UNC5D: variants seen among roughly 807,000 people sequenced by gnomAD.
UNC5D encodes the protein netrin receptor UNC5D.
UNC5D carries 39 observed loss-of-function variants against 105.4 expected under a neutral mutation model. The ratio of observed to expected loss-of-function variants is 0.37; its 90% confidence interval spans 0.29 to 0.48. The LOEUF (loss-of-function observed/expected upper bound fraction) is 0.48. Ranked by LOEUF, UNC5D falls within the 20% of genes least tolerant of loss-of-function variation. UNC5D has a pLI of 0.98. For missense variants in UNC5D, 991 were observed against 1,202.4 expected (o/e 0.82, Z 2.60); for synonymous variants, 452 against 450.4 (o/e 1.00, Z -0.04).
intron 1 of UNC5D, among the ~76,000 whole-genome samples, chr8:35,337,095 AGTGGT>A (rs1485918500): frequency 4.6e-5 from 7 of 152,198 alleles, no homozygotes; most frequent in African/African-American, 1.7e-4. Context: ...GAAATCTTGC[AGTGGT>A]TATAAATTCT....
chr8:35,352,489 C>T (rs1163252074), intron 1 of UNC5D, among the ~76,000 whole-genome samples: 1 of 151,988 alleles, frequency 6.6e-6, no homozygotes, highest in Non-Finnish European at 1.5e-5. Context: ...AAGTTATTTC[C>T]CTTTTTATTG....
intron 1 of UNC5D, among the ~76,000 whole-genome samples, chr8:35,397,686 C>G (rs1479816943): frequency 1.3e-5 from 2 of 152,124 alleles, no homozygotes; most frequent in Non-Finnish European, 2.9e-5. Context: ...GAGTCTGTCT[C>G]ATTTGTTCTC....
chr8:35,753,447 T>C (rs575603890), intron 13 of UNC5D, among the ~76,000 whole-genome samples: 2 of 152,066 alleles, frequency 1.3e-5, no homozygotes, highest in Non-Finnish European at 2.9e-5. Context: ...TTTTTTGTAT[T>C]TTTAGTAGAG....
At chr8:35,700,970 A>C (rs1269119160) in intron 7 of UNC5D, among the ~76,000 whole-genome samples, 1 of 152,212 alleles carries the variant, frequency 6.6e-6, no homozygotes, top group Admixed American at 6.5e-5. Context: ...AAGAATGTGA[A>C]GGGTAAGTTA....
chr8:35,350,388 G>A (rs140694517), intron 1 of UNC5D, among the ~76,000 whole-genome samples: 2 of 151,936 alleles, frequency 1.3e-5, no homozygotes, highest in Admixed American at 6.6e-5. Flanking sequence ...CTTAGCGTAG[G>A]TGTCTTTGTC....
At chr8:35,687,057 T>G (rs1184793811) in intron 7 of UNC5D, among the ~76,000 whole-genome samples, 1 of 152,218 alleles carries the variant, frequency 6.6e-6, no homozygotes, top group Non-Finnish European at 1.5e-5. Context: ...TGTGGTTATA[T>G]TTCCCCCCAG....
chr8:35,270,550 C>G (rs1349930705), intron 1 of UNC5D, among the ~76,000 whole-genome samples: 3 of 152,118 alleles, frequency 2.0e-5, no homozygotes, highest in Non-Finnish European at 4.4e-5. Context: ...AATGATAATA[C>G]AATAGGCTTT....
intron 2 of UNC5D, among the ~76,000 whole-genome samples, chr8:35,567,458 C>T (rs1312224906): frequency 6.6e-6 from 1 of 152,044 alleles, no homozygotes; most frequent in Non-Finnish European, 1.5e-5. Flanking sequence ...AATTCCAGAC[C>T]AGCCTGGTCA....
intron 1 of UNC5D, among the ~76,000 whole-genome samples, chr8:35,310,601 C>G (rs1808800673): frequency 6.6e-6 from 1 of 152,030 alleles, no homozygotes; most frequent in African/African-American, 2.4e-5. Context: ...GCCTGGGTGA[C>G]TGAGACCCTG....
intron 1 of UNC5D, among the ~76,000 whole-genome samples, chr8:35,283,520 G>T (rs764371611): frequency 6.6e-6 from 1 of 152,158 alleles, no homozygotes; most frequent in Non-Finnish European, 1.5e-5. Flanking sequence ...CCAGCACTTT[G>T]GGAGGCCAGG....
chr8:35,595,922 C>T (rs1330296639), intron 4 of UNC5D, among the ~76,000 whole-genome samples: 1 of 152,178 alleles, frequency 6.6e-6, no homozygotes, highest in Non-Finnish European at 1.5e-5. Context: ...TTCTGGGGAC[C>T]TTGAATCATG....
chr8:35,525,674 T>G lies in UNC5D; in HGVS notation c.104-23618T>G, dbSNP rs1403970146. 8.1e-6 allele frequency: 13 copies of G among 1,610,708 alleles called. No homozygotes were observed. The African/African-American group carries it at 1.7e-4, about 21-fold the overall frequency. On this transcript the variant is annotated intron_variant, in intron 1 of 16. Coordinates refer to ENST00000404895, the MANE Select transcript of UNC5D (RefSeq NM_080872.4). ...GCATTTTGGATTGGTAGTCAAAGGC[T>G]ACCACCTCGCCCTGCAGCCGCTGCT...
chr8:35,569,705 G>T (rs1817592883), intron 3 of UNC5D, among the ~76,000 whole-genome samples: 1 of 152,020 alleles, frequency 6.6e-6, no homozygotes, highest in African/African-American at 2.4e-5. Flanking sequence ...CTGAGAGAGA[G>T]AATATGTTTG....
At chr8:35,371,889 T>A (rs1011866243) in intron 1 of UNC5D, among the ~76,000 whole-genome samples, 1 of 152,164 alleles carries the variant, frequency 6.6e-6, no homozygotes, top group Non-Finnish European at 1.5e-5. Flanking sequence ...TTTGGATATA[T>A]TGTCCCTTTG....
intron 1 of UNC5D, among the ~76,000 whole-genome samples, chr8:35,414,081 C>A (rs1450704220): frequency 6.6e-6 from 1 of 152,060 alleles, no homozygotes; most frequent in Non-Finnish European, 1.5e-5. Context: ...TTTGAAAGTG[C>A]TGCTAAGGTT....
intron 1 of UNC5D, among the ~76,000 whole-genome samples, chr8:35,476,626 C>T (rs745466146): frequency 2.9e-4 from 44 of 152,102 alleles, no homozygotes; most frequent in African/African-American, 7.0e-4. Context: ...GTCTTCCCTT[C>T]GTTTATTTCA....
chr8:35,619,288 A>T (rs1004894004), intron 4 of UNC5D, among the ~76,000 whole-genome samples: 1 of 152,194 alleles, frequency 6.6e-6, no homozygotes, highest in Non-Finnish European at 1.5e-5. Context: ...GAATGAGCTC[A>T]TTGTGGTGAG....
chr8:35,666,458 T>TA (rs535194003), intron 4 of UNC5D, among the ~76,000 whole-genome samples: 1,598 of 144,032 alleles, frequency 0.011, 31 homozygotes, highest in African/African-American at 0.037. Flanking sequence ...TCAGCAAGTT[T>TA]AAAAAAAAAA....
intron 1 of UNC5D, among the ~76,000 whole-genome samples, chr8:35,299,609 A>C (rs1271263067): frequency 1.3e-5 from 2 of 152,368 alleles, no homozygotes; most frequent in South Asian, 2.1e-4. Context: ...CTGGAGGAAA[A>C]ATAGGTGATA....
Sources: gnomAD v4.1 joint callset for allele counts (sites outside exome capture counted in the v4.1 genomes callset) on GRCh38, gnomAD v4.1.1 for gene constraint, MANE v1.5 for transcripts, NCBI Gene and HGNC (gene_info 2026-07-23, HGNC 2026-07-21) for gene names.